Variants in CHN1 observed in about 807,000 individuals in gnomAD.
CHN1 encodes chimerin 1, also known as N-chimaerin.
Under a neutral mutation model 59.5 loss-of-function variants are expected in CHN1, and 37 were observed. That is an observed-to-expected ratio of 0.62 (90% CI 0.48 to 0.82). The LOEUF is 0.82. Ranked by LOEUF, CHN1 falls within the 40% of genes least tolerant of loss-of-function variation. The pLI is 0.00. For synonymous variants in CHN1, 206 were observed against 200.4 expected (o/e 1.03, Z -0.24); for missense variants, 469 against 571.0 (o/e 0.82, Z 1.82).
intron 3 of CHN1, among the ~76,000 whole-genome samples, chr2:174,933,799 A>T (rs115401615): frequency 0.011 from 1,739 of 152,344 alleles, 25 homozygotes; most frequent in East Asian, 0.032. Flanking sequence ...TTAAGCAGAT[A>T]GAGAGGAAGT....
intron 5 of CHN1, among the ~76,000 whole-genome samples, chr2:174,887,511 C>T (rs970400236): frequency 3.3e-5 from 5 of 152,116 alleles, no homozygotes; most frequent in Admixed American, 3.3e-4. Flanking sequence ...ATTACATCCT[C>T]ATCTTATAGA....
intron 5 of CHN1, among the ~76,000 whole-genome samples, chr2:174,891,496 G>A (rs1262513604): frequency 6.6e-6 from 1 of 151,388 alleles, no homozygotes; most frequent in Non-Finnish European, 1.5e-5. Context: ...TCAAACCCGG[G>A]AGGTGGAAGT....
intron 5 of CHN1, among the ~76,000 whole-genome samples, chr2:174,896,872 T>C (rs1245735693): frequency 6.6e-6 from 1 of 152,188 alleles, no homozygotes; most frequent in Non-Finnish European, 1.5e-5. Flanking sequence ...CACCACCATA[T>C]GTATATAATA....
intron 5 of CHN1, among the ~76,000 whole-genome samples, chr2:174,899,581 T>C (rs1361190509): frequency 2.0e-5 from 3 of 152,254 alleles, no homozygotes; most frequent in Admixed American, 2.0e-4. Flanking sequence ...CTATATAACA[T>C]AATATTCTCA....
chr2:174,983,712 C>T (rs1318273525), intron 1 of CHN1, among the ~76,000 whole-genome samples: 1 of 152,100 alleles, frequency 6.6e-6, no homozygotes. Flanking sequence ...CCTGTAGTCC[C>T]AGCTGCTCGG....
chr2:174,906,357 C>T (rs972044304), intron 5 of CHN1, among the ~76,000 whole-genome samples: 3 of 152,014 alleles, frequency 2.0e-5, no homozygotes, highest in Admixed American at 1.3e-4. Context: ...ATGTCAGTCA[C>T]GAACATATAT....
At chr2:174,994,836 G>T (rs143532865) in intron 1 of CHN1, among the ~76,000 whole-genome samples, 2 of 152,248 alleles carry the variant, frequency 1.3e-5, no homozygotes, top group Admixed American at 1.3e-4. Flanking sequence ...ACAGGTCAAG[G>T]GTCCTATCTT....
intron 1 of CHN1, among the ~76,000 whole-genome samples, chr2:174,996,860 C>T (rs1272734076): frequency 6.6e-6 from 1 of 152,166 alleles, no homozygotes; most frequent in African/African-American, 2.4e-5. Context: ...TCAAAGCCTG[C>T]TCCATGAGGC....
rs1271683275 is a variant in CHN1 at position 174,862,336 on chromosome 2, C to CT, written c.550-15380dup. ...AATACATTACGTTATACCAACGATA[C>CT]TTTTTTTTTTTTTTTGAGACGGAGT... On this transcript the variant is annotated intron_variant, in intron 6 of 12. Transcript: ENST00000409900. 9.4e-3 allele frequency among the ~76,000 whole-genome samples: 1,324 copies of CT among 141,234 alleles called. 11 individuals are homozygous for CT. Among genetic ancestry groups the CT allele is most frequent in the African/African-American group, 0.024 (914 of 38,820 alleles). 92.7% of individuals were successfully genotyped at this position (141,234 alleles called of 152,430 possible). A position where few individuals can be genotyped will look rare whatever the true frequency, so the allele number is the denominator to read the frequency against.
rs528107580 is a variant in CHN1, at chr2:174,913,353, T to C, written c.260+1705A>G. ...CCATTTACATCAAGGCTGTTTACCA[T>C]AGATAATCAGATGACCAGACTATTT... is the stretch of plus-strand genomic sequence containing the variant. On this transcript the variant is annotated intron_variant, in intron 5 of 12. Coordinates refer to ENST00000409900, the MANE Select transcript of CHN1 (RefSeq NM_001822.7). Among the ~76,000 whole-genome samples, 6 of 152,306 alleles carry C rather than the reference T, an allele frequency of 3.9e-5. 1 individual carries two copies. The highest frequency in any genetic ancestry group is 1.4e-4 in the African/African-American group (6 of 41,578).
chr2:174,929,034 T>G (rs1021372212), intron 3 of CHN1, among the ~76,000 whole-genome samples: 7 of 152,214 alleles, frequency 4.6e-5, no homozygotes, highest in African/African-American at 1.7e-4. Context: ...TTACACAGAT[T>G]GTTTTACTTC....
intron 5 of CHN1, among the ~76,000 whole-genome samples, chr2:174,899,214 G>A (rs1320540483): frequency 2.6e-5 from 4 of 152,084 alleles, no homozygotes; most frequent in Non-Finnish European, 5.9e-5. Flanking sequence ...AGGGCACTCA[G>A]GAGAAGACAG....
chr2:174,810,577 C>T (rs1206124993), intron 10 of CHN1, among the ~76,000 whole-genome samples: 2 of 152,146 alleles, frequency 1.3e-5, no homozygotes, highest in African/African-American at 4.8e-5. Context: ...ATGCTTCTTC[C>T]CATTCAATCT....
intron 7 of CHN1, 42 bp downstream of exon 7, chr2:174,846,838 G>C: frequency 3.4e-6 from 5 of 1,464,164 alleles, no homozygotes; most frequent in Non-Finnish European, 4.6e-6. Context: ...TATATTTCAA[G>C]TAATATGCAT....
At chr2:174,998,327 C>T (rs1161467500) in intron 1 of CHN1, among the ~76,000 whole-genome samples, 10 of 118,826 alleles carry the variant, frequency 8.4e-5, no homozygotes, top group South Asian at 2.7e-4. Flanking sequence ...AAAAAAGATA[C>T]GAGATTAAAA....
intron 6 of CHN1, among the ~76,000 whole-genome samples, chr2:174,855,928 T>C (rs529497392): frequency 6.6e-6 from 1 of 152,276 alleles, no homozygotes; most frequent in East Asian, 1.9e-4. Flanking sequence ...TGACTTCAAA[T>C]TGTCTCTCCT....
At chr2:174,816,328 A>G (rs1685259487) in intron 8 of CHN1, among the ~76,000 whole-genome samples, 1 of 152,236 alleles carries the variant, frequency 6.6e-6, no homozygotes, top group Non-Finnish European at 1.5e-5. Flanking sequence ...ACAGGTTTGC[A>G]GCAGAGTGCA....
chr2:175,005,378 C>A lies in CHN1; in HGVS notation c.-466G>T. ...AGACGCCATCTTGCGATAGCGTCTC[C>A]CACGAGCTCGGCCGCGCCGCTGCCT... On this transcript the variant is annotated 5_prime_UTR_variant, in exon 1 of 13. Coordinates refer to ENST00000409900, the MANE Select transcript of CHN1 (RefSeq NM_001822.7). 1 of 1,075,244 alleles carries A rather than the reference C, an allele frequency of 9.3e-7. No individual in the cohort carries two copies. Among genetic ancestry groups the A allele is most frequent in the Non-Finnish European group, 1.1e-6 (1 of 882,038 alleles). 66.6% of individuals were successfully genotyped at this position (1,075,244 alleles called of 1,614,324 possible). A position where few individuals can be genotyped will look rare whatever the true frequency, so the allele number is the denominator to read the frequency against.
intron 1 of CHN1, among the ~76,000 whole-genome samples, chr2:174,973,481 A>G (rs1235589710): frequency 6.6e-6 from 1 of 152,218 alleles, no homozygotes; most frequent in Non-Finnish European, 1.5e-5. Context: ...AATGACTGAA[A>G]GTAAGTTCTG....
Sources: allele counts gnomAD v4.1 joint callset (sites outside exome capture counted in the v4.1 genomes callset), GRCh38; gene constraint gnomAD v4.1.1; transcripts MANE v1.5; gene names NCBI Gene and HGNC (gene_info 2026-07-23, HGNC 2026-07-21).